The following VWC2 variants were observed in gnomAD, a reference collection of about 807,000 sequenced individuals.
VWC2 encodes the protein von Willebrand factor C domain containing 2, also known as brorin.
VWC2 carries 14 observed loss-of-function variants against 29.8 expected under a neutral mutation model. The ratio of observed to expected loss-of-function variants is 0.47; its 90% CI spans 0.31 to 0.74. The LOEUF is 0.74. Ranked by LOEUF, VWC2 falls within the 30% of genes least tolerant of loss-of-function variation. The probability of loss-of-function intolerance (pLI) is 0.05; values close to 1 mark genes in which losing one functional copy is unlikely to be tolerated. For missense variants in VWC2, 457 were observed against 459.8 expected (o/e 0.99, Z 0.05); for synonymous variants, 213 against 199.0 (o/e 1.07, Z -0.59).
chr7:49,806,103 C>CG (rs1203568210), intron 3 of VWC2, among the ~76,000 whole-genome samples: 2 of 151,380 alleles, frequency 1.3e-5, no homozygotes, highest in Non-Finnish European at 1.5e-5. Flanking sequence ...ATTCCACCCC[C>CG]CCACAATGAT....
At chr7:49,904,942 G>A (rs975146564) in intron 3 of VWC2, among the ~76,000 whole-genome samples, 1 of 151,892 alleles carries the variant, frequency 6.6e-6, no homozygotes, top group African/African-American at 2.4e-5. Flanking sequence ...CACCATCTTG[G>A]CCAGGCTGGT....
chr7:49,861,776 G>C (rs1790660478), intron 3 of VWC2, among the ~76,000 whole-genome samples: 1 of 152,118 alleles, frequency 6.6e-6, no homozygotes, highest in Admixed American at 6.5e-5. Flanking sequence ...GAATAGACTT[G>C]GCACTCTTGT....
At chr7:49,816,715 T>G (rs1562716570) in intron 3 of VWC2, among the ~76,000 whole-genome samples, 1 of 152,342 alleles carries the variant, frequency 6.6e-6, no homozygotes, top group East Asian at 1.9e-4. Context: ...GATGGATGCT[T>G]TTTTGTTCAG....
At chr7:49,820,697 G>T (rs1489503766) in intron 3 of VWC2, among the ~76,000 whole-genome samples, 1 of 152,198 alleles carries the variant, frequency 6.6e-6, no homozygotes, top group African/African-American at 2.4e-5. Context: ...GGAATGCAGA[G>T]AGTAAAGTGT....
intron 3 of VWC2, among the ~76,000 whole-genome samples, chr7:49,817,846 A>G (rs1024022811): frequency 3.3e-5 from 5 of 152,206 alleles, no homozygotes; most frequent in African/African-American, 9.6e-5. Context: ...GGAGTAAAGC[A>G]TTATCATATA....
chr7:49,825,752 A>G lies in VWC2; in HGVS notation c.826+22912A>G, dbSNP rs374062001. Among the ~76,000 whole-genome samples the G allele has an allele frequency of 3.3e-5, 5 of 152,178 alleles. 1 individual carries two copies. In the South Asian group the frequency reaches 6.2e-4, roughly 19 times the overall value. ...GGTGAGTTGGGAAAGTTGTACAATC[A>G]AAACAGCAACAAGAAACTGATGTTT... On this transcript the variant is annotated intron_variant, in intron 3 of 3. Transcript: ENST00000340652.
intron 3 of VWC2, among the ~76,000 whole-genome samples, chr7:49,886,339 C>A (rs1791903090): frequency 6.6e-6 from 1 of 152,146 alleles, no homozygotes; most frequent in African/African-American, 2.4e-5. Context: ...ATTAGCCTGA[C>A]CTCTACAATA....
intron 2 of VWC2, among the ~76,000 whole-genome samples, chr7:49,802,238 A>G (rs1788754764): frequency 6.6e-6 from 1 of 152,132 alleles, no homozygotes; most frequent in Non-Finnish European, 1.5e-5. Context: ...AAGACAACTC[A>G]CCAAACACCC....
intron 2 of VWC2, among the ~76,000 whole-genome samples, chr7:49,793,239 G>A (rs1258817809): frequency 2.0e-5 from 3 of 152,148 alleles, no homozygotes; most frequent in Non-Finnish European, 4.4e-5. Context: ...TTTTTAAAAT[G>A]TGTGTTTAAA....
rs541161122 is a variant in VWC2 at position 49,908,781 on chromosome 7, C to G, written c.827-3253C>G. ...GCTTTTAGTGATTAAAGGAGTGTGT[C>G]AAAAAGACATGAGAGCTAGCTTGAA... On this transcript the variant is annotated intron_variant, in intron 3 of 3. Coordinates refer to ENST00000340652, the MANE Select transcript of VWC2 (RefSeq NM_198570.5). Among the ~76,000 whole-genome samples, 9 of 152,154 alleles carry G rather than the reference C, an allele frequency of 5.9e-5. No homozygotes were observed. In the South Asian group the frequency reaches 1.9e-3, roughly 32 times the overall value.
chr7:49,842,428 G>A (rs1255043057), intron 3 of VWC2, among the ~76,000 whole-genome samples: 7 of 152,080 alleles, frequency 4.6e-5, no homozygotes, highest in Non-Finnish European at 8.8e-5. Flanking sequence ...ATAGTTTACT[G>A]AAGTCAGTAT....
chr7:49,874,696 T>A (rs1277625304), intron 3 of VWC2, among the ~76,000 whole-genome samples: 1 of 152,196 alleles, frequency 6.6e-6, no homozygotes, highest in Non-Finnish European at 1.5e-5. Flanking sequence ...AACCTTTACT[T>A]ATAAAATTAT....
At chr7:49,885,544 C>G (rs1198345792) in intron 3 of VWC2, among the ~76,000 whole-genome samples, 2 of 152,190 alleles carry the variant, frequency 1.3e-5, no homozygotes, top group East Asian at 3.9e-4. Context: ...TAACGTTTTT[C>G]AGTTACAAGA....
intron 3 of VWC2, among the ~76,000 whole-genome samples, chr7:49,911,219 T>C (rs1407511691): frequency 6.6e-6 from 1 of 152,062 alleles, no homozygotes; most frequent in Non-Finnish European, 1.5e-5. Context: ...AGCGGTGGCT[T>C]ACACCTGTAA....
intron 3 of VWC2, among the ~76,000 whole-genome samples, chr7:49,849,559 T>TAC (rs138822281): frequency 2.0e-5 from 3 of 152,070 alleles, no homozygotes; most frequent in Non-Finnish European, 4.4e-5. Flanking sequence ...TCAGCCCTTC[T>TAC]ACACACACAC....
chr7:49,874,868 C>A (rs1310797681), intron 3 of VWC2, among the ~76,000 whole-genome samples: 1 of 152,006 alleles, frequency 6.6e-6, no homozygotes, highest in African/African-American at 2.4e-5. Flanking sequence ...GAGAGTATGG[C>A]CAGAACCTGC....
chr7:49,904,525 T>A (rs1792973705), intron 3 of VWC2, among the ~76,000 whole-genome samples: 1 of 152,212 alleles, frequency 6.6e-6, no homozygotes, highest in South Asian at 2.1e-4. Context: ...ATTGATTTAT[T>A]AGGAATGCTG....
In VWC2 at chr7:49,913,537, A is replaced by C. The variant is rs1021787121; in HGVS notation, c.*1352A>C. 2.6e-5 allele frequency: 4 copies of C among 152,170 alleles called. No individual in the cohort carries two copies. Among genetic ancestry groups the C allele is most frequent in the Non-Finnish European group, 5.9e-5 (4 of 68,022 alleles). The allele number at this position is 152,170 out of a possible 1,614,324, so 9.4% of individuals were successfully genotyped here. ...ATATAATCATTATTTGAAGCCTCTA[A>C]AGGTATTTTTCATATTTTTGTTTAT... is the stretch of plus-strand genomic sequence containing the variant. On this transcript the variant is annotated 3_prime_UTR_variant, in exon 4 of 4. Coordinates refer to ENST00000340652, the MANE Select transcript of VWC2 (RefSeq NM_198570.5).
intron 3 of VWC2, among the ~76,000 whole-genome samples, chr7:49,812,087 T>G (rs1054940010): frequency 4.6e-5 from 7 of 152,212 alleles, no homozygotes; most frequent in Non-Finnish European, 8.8e-5. Flanking sequence ...TCTATTTCTT[T>G]GAAATATTTT....
Sources: allele counts gnomAD v4.1 joint callset (sites outside exome capture counted in the v4.1 genomes callset), GRCh38; gene constraint gnomAD v4.1.1; transcripts MANE v1.5; gene names NCBI Gene and HGNC (gene_info 2026-07-23, HGNC 2026-07-21).